KIF26A: variants seen among roughly 807,000 people sequenced by gnomAD.
KIF26A encodes kinesin family member 26A.
A neutral mutation model predicts 126.0 loss-of-function variants in KIF26A; 74 were observed. The ratio of observed to expected loss-of-function variants is 0.59; its 90% CI spans 0.49 to 0.71. The LOEUF (loss-of-function observed/expected upper bound fraction) is 0.71, where lower values mean the gene tolerates loss of function less well. KIF26A is among the 30% of genes least tolerant of loss of function. The pLI is 0.00. For synonymous variants in KIF26A, 1,445 were observed against 1,232.7 expected (o/e 1.17, Z -3.61); for missense variants, 2,984 against 2,763.3 (o/e 1.08, Z -1.79).
chr14:104,176,069 G>C lies in KIF26A; in HGVS notation c.3281G>C (p.Gly1094Ala), dbSNP rs200288460. The C allele has an allele frequency of 4.4e-4, 705 of 1,595,786 alleles. 1 individual carries two copies. The African/African-American group carries it at 6.4e-3, about 15-fold the overall frequency. ...DAYTSQAPEG[G>A]PLEGAAWAGS... is the part of the protein sequence containing the mutation. Reference sequence around the variant, plus strand: ...TACACCTCTCAGGCCCCTGAGGGGGGGCCCCTGGAGGGGGCAGCCTGGGCC... The same window carrying C: ...TACACCTCTCAGGCCCCTGAGGGGGCGCCCCTGGAGGGGGCAGCCTGGGCC... The change falls in exon 12 of 15, where the codon GGG becomes GCG. Residue 1094 changes from glycine to alanine, a missense_variant. Transcript: ENST00000423312.
rs201446180 is a variant in KIF26A, at chr14:104,171,950, A to T, written c.1326+15A>T. 2.1e-5 allele frequency: 33 copies of T among 1,547,300 alleles called. No homozygotes were observed. The highest frequency in any genetic ancestry group is 2.8e-5 in the Non-Finnish European group (32 of 1,145,716). On this transcript the variant is annotated intron_variant, in intron 6 of 14. Coordinates refer to ENST00000423312, the MANE Select transcript of KIF26A (RefSeq NM_015656.2). ...ACTCCGAGCAGGTACGGGCAGGCGG[A>T]CTGGGCGTCCTCCCGGAGACCCGGA...
At chr14:104,167,372 C>T (rs574982786) in intron 5 of KIF26A, among the ~76,000 whole-genome samples, 14 of 151,998 alleles carry the variant, frequency 9.2e-5, no homozygotes, top group South Asian at 2.1e-4. Context: ...AAGCCCCTTG[C>T]GTAGGCTCCA....
chr14:104,173,673 C>A, intron 9 of KIF26A, 33 bp from the exon 10 acceptor site: 1 of 1,606,146 alleles, frequency 6.2e-7, no homozygotes, highest in Non-Finnish European at 8.5e-7. Flanking sequence ...GGGCCCCTGG[C>A]TACACCATCA....
In KIF26A at chr14:104,166,931, C is replaced by T; in HGVS notation, c.996C>T (p.Gly332=). 1.9e-6 allele frequency: 3 copies of T among 1,593,656 alleles called. No individual in the cohort carries two copies. Among genetic ancestry groups the T allele is most frequent in the Middle Eastern group, 1.7e-4 (1 of 5,932 alleles). ...CGCCACCGCCTCCAGCCACCCGCGGCACCTCCACCTACCCCACCGACTTCA... is the reference window on the plus strand; with the variant it reads ...CGCCACCGCCTCCAGCCACCCGCGGTACCTCCACCTACCCCACCGACTTCA... The part of the protein sequence containing the change: ...PHPPPPPATR[G]TSTYPTDFSG... The change falls in exon 5 of 15, where the codon GGC becomes GGT. Residue 332 remains glycine, a synonymous_variant. Coordinates refer to ENST00000423312, the MANE Select transcript of KIF26A (RefSeq NM_015656.2).
chr14:104,173,580 G>A (rs2037983572), intron 9 of KIF26A, 67 bp downstream of exon 9: 4 of 1,505,204 alleles, frequency 2.7e-6, no homozygotes, highest in Non-Finnish European at 3.6e-6. Flanking sequence ...AGGCACAGGG[G>A]CCTGTCATCC....
chr14:104,139,363 G>A, intron 2 of KIF26A, 75 bp downstream of exon 2: 1 of 1,366,484 alleles, frequency 7.3e-7, no homozygotes, highest in Non-Finnish European at 9.5e-7. Flanking sequence ...GGGCTTGGAG[G>A]GAAGCAGGGT....
intron 4 of KIF26A, 45 bp from the exon 5 acceptor site, chr14:104,166,814 C>T (rs932139642): frequency 2.7e-6 from 4 of 1,471,318 alleles, no homozygotes; most frequent in African/African-American, 2.8e-5. Context: ...ACAGGAACAG[C>T]TGCTGTCACC....
Position 104,172,891 on chromosome 14 carries a change from C to T in KIF26A, c.1421-86C>T. The T allele has an allele frequency of 4.2e-6, 6 of 1,440,684 alleles. No homozygotes were observed. In the South Asian group the frequency reaches 7.3e-5, roughly 17 times the overall value. The allele number at this position is 1,440,684 out of a possible 1,614,324, so 89.2% of individuals were successfully genotyped here. ...CAAAGAGGCCCCTGAGATCTCGGTG[C>T]CCCTGGTTGGCCCCCGGGGACGCCA... On this transcript the variant is annotated intron_variant, in intron 7 of 14. Coordinates refer to ENST00000423312, the MANE Select transcript of KIF26A (RefSeq NM_015656.2).
At chr14:104,168,784 G>A (rs902636725) in intron 5 of KIF26A, among the ~76,000 whole-genome samples, 2 of 152,234 alleles carry the variant, frequency 1.3e-5, no homozygotes, top group Non-Finnish European at 2.9e-5. Context: ...CGGGGGCAGG[G>A]GAAGCTGTGT....
Position 104,152,119 on chromosome 14 carries a change from C to T in KIF26A, c.393C>T (p.His131=). The change falls in exon 3 of 15, where the codon CAC becomes CAT. Residue 131 remains histidine (H), a synonymous_variant. Transcript: ENST00000423312. The surrounding 1 kb of genome is among the most constrained non-coding windows in gnomAD (Gnocchi z 5.9). ...GCCGCTGTGACGTCTGCGCCACACA[C>T]CTGCAGCAGCTCACACGGGAGGCCA... ...AERRCDVCAT[H]LQQLTREAMH... is the part of the protein sequence containing the mutation. 6.2e-7 allele frequency: 1 copy of T among 1,612,362 alleles called. No homozygotes were observed. The highest frequency in any genetic ancestry group is 8.5e-7 in the Non-Finnish European group (1 of 1,179,756).
chr14:104,159,700 G>A (rs1596139640), intron 4 of KIF26A, among the ~76,000 whole-genome samples: 1 of 152,238 alleles, frequency 6.6e-6, no homozygotes, highest in Non-Finnish European at 1.5e-5. Flanking sequence ...CAGCCTGTTA[G>A]GCACCCTGGG....
rs376313732 is a variant in KIF26A at position 104,177,804 on chromosome 14, C to T, written c.5016C>T (p.Ser1672=). ...SLRRDSEATG[S]ASSAPDSMSE... ...GGCGCGACAGCGAGGCCACCGGCAG[C>T]GCCTCCTCCGCCCCTGACTCCATGA... is the stretch of plus-strand genomic sequence containing the variant. Residue 1672 remains serine (S), a synonymous_variant, in exon 12 of 15, where the codon AGC becomes AGT. Coordinates refer to ENST00000423312, the MANE Select transcript of KIF26A (RefSeq NM_015656.2). 1.7e-4 allele frequency: 264 copies of T among 1,560,326 alleles called. 1 individual carries two copies. The highest frequency in any genetic ancestry group is 3.3e-4 in the Admixed American group (18 of 54,876).
chr14:104,153,267 T>G (rs2037746930), intron 3 of KIF26A, among the ~76,000 whole-genome samples: 1 of 152,096 alleles, frequency 6.6e-6, no homozygotes, highest in African/African-American at 2.4e-5. Flanking sequence ...GCTGCTGGGC[T>G]GGTCCTTCTG....
intron 2 of KIF26A, among the ~76,000 whole-genome samples, chr14:104,145,345 A>T (rs2037670958): frequency 6.6e-6 from 1 of 152,110 alleles, no homozygotes. Context: ...GGCCCTCCGC[A>T]GGGCTGCACT....
intron 5 of KIF26A, among the ~76,000 whole-genome samples, chr14:104,168,410 A>C (rs151075971): frequency 0.043 from 6,557 of 152,264 alleles, 184 homozygotes; most frequent in Non-Finnish European, 0.063. Context: ...GACGGTGGCT[A>C]CTGGTCTGGG....
intron 6 of KIF26A, among the ~76,000 whole-genome samples, chr14:104,172,229 G>A (rs2037966416): frequency 6.6e-6 from 1 of 152,234 alleles, no homozygotes; most frequent in African/African-American, 2.4e-5. Flanking sequence ...TCTGGGCTCT[G>A]GGGGCGCCCG....
chr14:104,173,036 T>G lies in KIF26A; in HGVS notation c.1480T>G (p.Cys494Gly), dbSNP rs1163734924. The G allele has an allele frequency of 1.9e-6, 3 of 1,606,786 alleles. No homozygotes were observed. The highest frequency in any genetic ancestry group is 2.5e-6 in the Non-Finnish European group (3 of 1,177,662). The change falls in exon 8 of 15, where the codon TGC becomes GGC. Residue 494 changes from cysteine to glycine, a missense_variant. Physicochemically the swap from Cys to Gly is radical, Grantham distance 159. Transcript: ENST00000423312. ...SSPQSLGIVP[C>G]AISWLFRLIE... ...ACCCCAGAGCCTGGGCATCGTGCCCTGCGCCATCTCCTGGCTCTTCAGGCT... is the reference window on the plus strand; with the variant it reads ...ACCCCAGAGCCTGGGCATCGTGCCCGGCGCCATCTCCTGGCTCTTCAGGCT...
Position 104,179,645 on chromosome 14 carries a change from AGTACCTGGC to A in KIF26A, c.5506_5514del (p.Tyr1836_Ala1838del). 1 of 1,544,854 alleles carries A rather than the reference AGTACCTGGC, an allele frequency of 6.5e-7. No individual in the cohort carries two copies. The highest frequency in any genetic ancestry group is 8.7e-7 in the Non-Finnish European group (1 of 1,144,150). Reference sequence around the variant, plus strand: ...CCGGAGCTGGAGCCCGAGTCGGCCGAGTACCTGGCGGCCCTGGAGCGAGCCACGGCGGCC... The same window carrying A: ...CCGGAGCTGGAGCCCGAGTCGGCCGAGGCCCTGGAGCGAGCCACGGCGGCC... On this transcript the variant is annotated inframe_deletion, in exon 15 of 15. Coordinates refer to ENST00000423312, the MANE Select transcript of KIF26A (RefSeq NM_015656.2).
intron 3 of KIF26A, among the ~76,000 whole-genome samples, chr14:104,155,371 G>A (rs1002522284): frequency 1.3e-5 from 2 of 152,198 alleles, no homozygotes; most frequent in African/African-American, 2.4e-5. Context: ...TCTGCTGGCC[G>A]CCTGGTGCCT....
Sources: gnomAD v4.1 joint callset for allele counts (sites outside exome capture counted in the v4.1 genomes callset) on GRCh38, gnomAD v4.1.1 for gene constraint, Gnocchi (gnomAD v3.1) non-coding constraint, MANE v1.5 for transcripts, NCBI Gene and HGNC (gene_info 2026-07-23, HGNC 2026-07-21) for gene names.